Variants in ASIC2 observed in about 807,000 individuals in gnomAD.
The protein encoded by ASIC2 is acid-sensing ion channel 2.
ASIC2 carries 25 observed loss-of-function variants against 57.3 expected under a neutral mutation model. The observed-to-expected ratio is 0.44, with a 90% CI of 0.32 to 0.61. The LOEUF is 0.61. Among genes scored for constraint, ASIC2 ranks in the 20% least tolerant of loss-of-function variants. ASIC2 has a pLI of 0.06. For missense variants in ASIC2, 641 were observed against 738.1 expected (o/e 0.87, Z 1.52); for synonymous variants, 319 against 307.5 (o/e 1.04, Z -0.39).
intron 3 of ASIC2, among the ~76,000 whole-genome samples, chr17:33,029,542 C>A (rs1024631686): frequency 4.6e-5 from 7 of 152,218 alleles, no homozygotes; most frequent in Non-Finnish European, 8.8e-5. Flanking sequence ...TGATGATGGG[C>A]ATTTGGATGG....
chr17:34,130,689 C>T (rs1010631084), intron 1 of ASIC2, among the ~76,000 whole-genome samples: 3 of 152,222 alleles, frequency 2.0e-5, no homozygotes, highest in African/African-American at 4.8e-5. Flanking sequence ...TGTTAGGATG[C>T]GTTTTCCCAT....
At chr17:33,475,812 C>G (rs1264448440) in intron 1 of ASIC2, among the ~76,000 whole-genome samples, 1 of 152,220 alleles carries the variant, frequency 6.6e-6, no homozygotes, top group East Asian at 1.9e-4. Flanking sequence ...CCCCCATCCC[C>G]ATCCCCTGGA....
intron 1 of ASIC2, among the ~76,000 whole-genome samples, chr17:33,176,195 C>A (rs1160753009): frequency 6.6e-6 from 1 of 152,196 alleles, no homozygotes; most frequent in Non-Finnish European, 1.5e-5. Context: ...TGTGGGCTTC[C>A]CTACAGTGCT....
At chr17:34,064,573 T>A (rs1484812210) in intron 1 of ASIC2, among the ~76,000 whole-genome samples, 1 of 152,008 alleles carries the variant, frequency 6.6e-6, no homozygotes, top group Non-Finnish European at 1.5e-5. Flanking sequence ...AAAGGAACAG[T>A]CTGGAGAGTA....
intron 1 of ASIC2, among the ~76,000 whole-genome samples, chr17:33,896,157 C>T (rs374985524): frequency 4.6e-5 from 7 of 152,126 alleles, no homozygotes; most frequent in African/African-American, 1.4e-4. Context: ...TATTTCTTTT[C>T]TTTTTGCCTC....
intron 1 of ASIC2, among the ~76,000 whole-genome samples, chr17:33,313,369 T>G (rs1013997100): frequency 2.0e-5 from 3 of 151,626 alleles, no homozygotes; most frequent in Admixed American, 1.3e-4. Flanking sequence ...GATGAGCAGC[T>G]CTGCACACTC....
chr17:33,542,455 G>A (rs1274825084), intron 1 of ASIC2, among the ~76,000 whole-genome samples: 4 of 124,972 alleles, frequency 3.2e-5, no homozygotes, highest in Non-Finnish European at 6.7e-5. Context: ...GTGTGAGATG[G>A]TATCTCATAG....
intron 1 of ASIC2, among the ~76,000 whole-genome samples, chr17:33,380,263 AAAAAAGAAAG>A (rs1909436801): frequency 6.7e-6 from 1 of 148,294 alleles, no homozygotes; most frequent in Non-Finnish European, 1.5e-5. Context: ...AAAAAAAAAA[AAAAAAGAAAG>A]AAAGAAAGAA....
intron 1 of ASIC2, among the ~76,000 whole-genome samples, chr17:33,470,836 C>A (rs1913025758): frequency 6.6e-6 from 1 of 151,676 alleles, no homozygotes; most frequent in African/African-American, 2.4e-5. Context: ...TCTGTACTTG[C>A]TTCCACCTGA....
intron 1 of ASIC2, among the ~76,000 whole-genome samples, chr17:33,880,873 C>T (rs1380807845): frequency 3.3e-5 from 5 of 152,160 alleles, no homozygotes; most frequent in Non-Finnish European, 7.3e-5. Flanking sequence ...AAAATACTGG[C>T]AAACCGAATC....
intron 1 of ASIC2, among the ~76,000 whole-genome samples, chr17:33,869,089 A>G (rs139540393): frequency 2.0e-5 from 3 of 152,286 alleles, no homozygotes; most frequent in Non-Finnish European, 4.4e-5. Context: ...AACAAAGCAA[A>G]ACAAAGGATA....
At chr17:33,436,850 C>CTTTTTTTTT (rs1244300127) in intron 1 of ASIC2, among the ~76,000 whole-genome samples, 1 of 76,038 alleles carries the variant, frequency 1.3e-5, no homozygotes, top group Non-Finnish European at 2.7e-5. Context: ...CACATTCCAA[C>CTTTTTTTTT]TTCTTTTTTT....
chr17:33,721,909 G>T (rs1423654501), intron 1 of ASIC2, among the ~76,000 whole-genome samples: 1 of 152,190 alleles, frequency 6.6e-6, no homozygotes, highest in Non-Finnish European at 1.5e-5. Flanking sequence ...GAGTGACAAG[G>T]CGAGAGATGA....
intron 1 of ASIC2, among the ~76,000 whole-genome samples, chr17:33,749,359 C>T (rs541572919): frequency 2.0e-5 from 3 of 152,010 alleles, no homozygotes; most frequent in South Asian, 4.2e-4. Flanking sequence ...AGCGGCGAGG[C>T]GTTCTCTCTG....
intron 2 of ASIC2, among the ~76,000 whole-genome samples, chr17:33,104,596 G>A (rs923455172): frequency 4.6e-5 from 7 of 152,178 alleles, no homozygotes; most frequent in East Asian, 1.9e-4. Flanking sequence ...GTGGGACTGC[G>A]CTAAAGCTTT....
At chr17:33,563,080 A>T (rs1916125798) in intron 1 of ASIC2, among the ~76,000 whole-genome samples, 1 of 152,212 alleles carries the variant, frequency 6.6e-6, no homozygotes, top group African/African-American at 2.4e-5. Context: ...AGGAACCATG[A>T]TGGCACAGCC....
chr17:33,604,180 C>T (rs1321044725), intron 1 of ASIC2, among the ~76,000 whole-genome samples: 1 of 152,132 alleles, frequency 6.6e-6, no homozygotes, highest in Non-Finnish European at 1.5e-5. Flanking sequence ...GAAGGGGCCC[C>T]CAGGCATGCA....
intron 1 of ASIC2, among the ~76,000 whole-genome samples, chr17:34,076,807 C>A (rs1312816551): frequency 6.6e-6 from 1 of 152,170 alleles, no homozygotes; most frequent in Non-Finnish European, 1.5e-5. Flanking sequence ...CCTTCAACAA[C>A]CTTGTATTAT....
intron 1 of ASIC2, among the ~76,000 whole-genome samples, chr17:33,620,733 C>T (rs1905766110): frequency 6.6e-6 from 1 of 152,158 alleles, no homozygotes; most frequent in South Asian, 2.1e-4. Flanking sequence ...TGATGAAAGA[C>T]ATCTATTTGA....
Sources: allele counts gnomAD v4.1 joint callset (sites outside exome capture counted in the v4.1 genomes callset), GRCh38; gene constraint gnomAD v4.1.1; transcripts MANE v1.5; gene names NCBI Gene and HGNC (gene_info 2026-07-23, HGNC 2026-07-21).